The following PI4KA variants were observed in gnomAD, a reference collection of about 807,000 sequenced individuals.
PI4KA encodes the protein PI4-kinase alpha.
A neutral mutation model predicts 271.4 loss-of-function variants in PI4KA; 122 were observed. That is an observed-to-expected ratio of 0.45 (90% CI 0.39 to 0.52). The LOEUF (loss-of-function observed/expected upper bound fraction) is 0.52. Ranked by LOEUF, PI4KA falls within the 20% of genes least tolerant of loss-of-function variation. The pLI is 0.00. For synonymous variants in PI4KA, 1,041 were observed against 1,078.8 expected (o/e 0.96, Z 0.69); for missense variants, 1,969 against 2,769.1 (o/e 0.71, Z 6.48).
At chr22:20,755,947 C>T (rs1232840197) in intron 23 of PI4KA, among the ~76,000 whole-genome samples, 1 of 152,214 alleles carries the variant, frequency 6.6e-6, no homozygotes, top group Non-Finnish European at 1.5e-5. Context: ...TGCATGACTA[C>T]ATGCTGGGTC....
rs759719475 is a variant in PI4KA, at chr22:20,765,654, G to A, written c.2368C>T (p.Arg790Trp). 4 of 1,611,782 alleles carry A rather than the reference G, an allele frequency of 2.5e-6. No homozygotes were observed. The highest frequency in any genetic ancestry group is 3.4e-6 in the Non-Finnish European group (4 of 1,178,028). Residue 790 changes from arginine to tryptophan, a missense_variant, in exon 20 of 55, where the codon CGG becomes TGG. Physicochemically the swap from Arg to Trp is moderately radical, Grantham distance 101. Around this residue, in one of 13 missense-constraint regions of PI4KA, gnomAD observed 368 missense variants for 544.3 expected, o/e 0.68. Transcript: ENST00000255882. Reference protein sequence around the residue: ...RLPPIKEAKPRLQKLFRDFWL... With the variant: ...RLPPIKEAKPWLQKLFRDFWL... ...AAGTCTCGGAAGAGCTTCTGTAACC[G>A]AGGCTTAGCTTCTTTGATGGGTGGC... is the stretch of plus-strand genomic sequence containing the variant.
At chr22:20,769,424 C>T (rs531359100) in intron 19 of PI4KA, among the ~76,000 whole-genome samples, 6 of 152,252 alleles carry the variant, frequency 3.9e-5, no homozygotes, top group African/African-American at 1.4e-4. Context: ...AATCCCAGCA[C>T]TTTGGGAGGC....
Position 20,858,577 on chromosome 22 carries a change from AAGGATGCT to A in PI4KA, c.141_148del (p.Ala48GlyfsTer22). The A allele has an allele frequency of 7.1e-7, 1 of 1,399,810 alleles. No homozygotes were observed. The allele number at this position is 1,399,810 out of a possible 1,614,324, so 86.7% of individuals were successfully genotyped here. On this transcript the variant is annotated frameshift_variant, in exon 1 of 55. Coordinates refer to ENST00000255882, the MANE Select transcript of PI4KA (RefSeq NM_058004.4). LOFTEE classifies it high-confidence loss of function. ...CCAGCCCGCCGACGTTACCTTCTCCAAGGATGCTGGTCTCTGCACCGCCAGGGAGCGGG... is the reference window on the plus strand; with the variant it reads ...CCAGCCCGCCGACGTTACCTTCTCCAGGTCTCTGCACCGCCAGGGAGCGGG...
At chr22:20,770,092 C>T (rs1932802341) in intron 19 of PI4KA, among the ~76,000 whole-genome samples, 1 of 152,050 alleles carries the variant, frequency 6.6e-6, no homozygotes, top group South Asian at 2.1e-4. Context: ...CTGTCGACCA[C>T]ACTGGAGTAG....
chr22:20,763,403 A>G (rs1378576291), intron 22 of PI4KA, among the ~76,000 whole-genome samples: 1 of 149,318 alleles, frequency 6.7e-6, no homozygotes, highest in East Asian at 2.0e-4. Context: ...AGCCACTGCA[A>G]CCGGCCGTGC....
At chr22:20,751,622 G>T in intron 26 of PI4KA, 52 bp downstream of exon 26, 1 of 1,434,800 alleles carries the variant, frequency 7.0e-7, no homozygotes, top group Non-Finnish European at 9.8e-7. Context: ...GGCCGGCGGG[G>T]TGGTGGTAGA....
At chr22:20,839,831 CA>C (rs362258) in intron 1 of PI4KA, among the ~76,000 whole-genome samples, 74,894 of 148,800 alleles carry the variant, frequency 0.5, 19,054 homozygotes, top group African/African-American at 0.61. Flanking sequence ...GACTCCGTCT[CA>C]AAAAAAAAAA....
In PI4KA at chr22:20,791,339, G is replaced by C. The variant is rs377041720; in HGVS notation, c.2328+1854C>G. On this transcript the variant is annotated intron_variant, in intron 19 of 54. Coordinates refer to ENST00000255882, the MANE Select transcript of PI4KA (RefSeq NM_058004.4). ...GCCTGCTGCCAACAGAGTGGCTTGG[G>C]CTTCATGCCCCTTACTTTTCCCTCC... 3.6e-3 allele frequency among the ~76,000 whole-genome samples: 550 copies of C among 152,334 alleles called. 2 individuals are homozygous for C. Among genetic ancestry groups the C allele is most frequent in the African/African-American group, 0.013 (531 of 41,574 alleles).
At chr22:20,803,052 AG>A in intron 13 of PI4KA, 138 bp downstream of exon 13, 1 of 818,952 alleles carries the variant, frequency 1.2e-6, no homozygotes. Flanking sequence ...TGGAGCTTGG[AG>A]GGGACGCAAA....
chr22:20,822,369 TA>T (rs1922825153), intron 4 of PI4KA, among the ~76,000 whole-genome samples: 1 of 127,892 alleles, frequency 7.8e-6, no homozygotes, highest in African/African-American at 3.2e-5. Flanking sequence ...ATGAGGAAGA[TA>T]CCTAAGTCTT....
rs189505260 is a variant in PI4KA at position 20,848,463 on chromosome 22, C to A, written c.157-9732G>T. ...TTCTTCCCAATTTCAAAACTTACTA[C>A]AAAGCTAAAGTAATCAAGACAGTAT... On this transcript the variant is annotated intron_variant, in intron 1 of 54. Coordinates refer to ENST00000255882, the MANE Select transcript of PI4KA (RefSeq NM_058004.4). Among the ~76,000 whole-genome samples, 329 of 152,082 alleles carry A rather than the reference C, an allele frequency of 2.2e-3. 1 individual carries two copies. Among genetic ancestry groups the A allele is most frequent in the African/African-American group, 7.9e-3 (327 of 41,466 alleles).
At chr22:20,786,238 A>C in intron 19 of PI4KA, 75 of 1,357,836 alleles carry the variant, frequency 5.5e-5, no homozygotes, top group Non-Finnish European at 7.2e-5. Flanking sequence ...CCACCCCCCA[A>C]TCTCATGTCC....
At chr22:20,843,152 T>C (rs1239412741) in intron 1 of PI4KA, among the ~76,000 whole-genome samples, 1 of 152,088 alleles carries the variant, frequency 6.6e-6, no homozygotes, top group South Asian at 2.1e-4. Flanking sequence ...TATTATTTTC[T>C]GTATTTCCCA....
chr22:20,759,804 A>T (rs1297607269), intron 23 of PI4KA, among the ~76,000 whole-genome samples: 1 of 152,102 alleles, frequency 6.6e-6, no homozygotes. Context: ...TGACCTTGTG[A>T]TCTGCCTGCC....
At chr22:20,720,546 T>TA (rs1221736001) in intron 43 of PI4KA, among the ~76,000 whole-genome samples, 1 of 152,112 alleles carries the variant, frequency 6.6e-6, no homozygotes, top group Non-Finnish European at 1.5e-5. Flanking sequence ...ACCCTGCCTC[T>TA]AAAAAAATAA....
chr22:20,772,531 C>T (rs1569014263), intron 19 of PI4KA, among the ~76,000 whole-genome samples: 1 of 152,224 alleles, frequency 6.6e-6, no homozygotes, highest in East Asian at 1.9e-4. Flanking sequence ...GACTCAGACA[C>T]AACCACCGGT....
At position 20,834,658 on chromosome 22, in the gene PI4KA, A is replaced by G; in HGVS notation, c.274-3T>C. The G allele has an allele frequency of 1.3e-6, 2 of 1,557,306 alleles. No homozygotes were observed. The highest frequency in any genetic ancestry group is 1.8e-6 in the Non-Finnish European group (2 of 1,130,358). ...TAAGGAACCACACAATCTTTGTGCT[A>G]AAAAATAATAAGAAGAATAATAAAT... On this transcript the variant is annotated splice_region_variant and splice_polypyrimidine_tract_variant and intron_variant, in intron 2 of 54. Transcript: ENST00000255882.
chr22:20,740,061 C>CAAAAAAAAAAAAAAAAAA, intron 32 of PI4KA, among the ~76,000 whole-genome samples: 1 of 73,372 alleles, frequency 1.4e-5, no homozygotes, highest in Non-Finnish European at 2.6e-5. Context: ...GACCCCATCT[C>CAAAAAAAAAAAAAAAAAA]AAAAAAAAAA....
At chr22:20,776,414 G>A (rs1933280274) in intron 19 of PI4KA, among the ~76,000 whole-genome samples, 1 of 152,196 alleles carries the variant, frequency 6.6e-6, no homozygotes, top group Non-Finnish European at 1.5e-5. Context: ...GTGCTGAGAT[G>A]GGGACCTGGA....
Sources: allele counts gnomAD v4.1 joint callset (sites outside exome capture counted in the v4.1 genomes callset), GRCh38; gene constraint gnomAD v4.1.1; regional missense constraint gnomAD v4.1.1; transcripts MANE v1.5; gene names NCBI Gene and HGNC (gene_info 2026-07-23, HGNC 2026-07-21).